The following PSD3 variants were observed in gnomAD, a reference collection of about 807,000 sequenced individuals.
The protein encoded by PSD3 is pleckstrin and Sec7 domain containing 3.
PSD3 carries 49 observed loss-of-function variants against 105.5 expected under a neutral mutation model. The ratio of observed to expected loss-of-function variants is 0.46; its 90% CI spans 0.37 to 0.59. PSD3 has a LOEUF of 0.59. Among genes scored for constraint, PSD3 ranks in the 20% least tolerant of loss-of-function variants. The pLI, the probability that PSD3 is intolerant of heterozygous loss-of-function variation, is 0.00. For missense variants in PSD3, 1,561 were observed against 1,263.8 expected (o/e 1.24, Z -3.57); for synonymous variants, 557 against 457.8 (o/e 1.22, Z -2.77).
At chr8:18,537,874 G>A (rs867966532) in intron 15 of PSD3, among the ~76,000 whole-genome samples, 2 of 152,022 alleles carry the variant, frequency 1.3e-5, no homozygotes, top group South Asian at 4.2e-4. Context: ...ATGGGGTTTC[G>A]CCATGTTGGC....
At chr8:18,744,522 T>C (rs1683636529) in intron 9 of PSD3, among the ~76,000 whole-genome samples, 1 of 152,248 alleles carries the variant, frequency 6.6e-6, no homozygotes, top group African/African-American at 2.4e-5. Flanking sequence ...TTTTTTGCTA[T>C]TGTATACAAT....
At chr8:18,853,972 C>T (rs1489526534) in intron 4 of PSD3, 1 of 152,138 alleles carries the variant, frequency 6.6e-6, no homozygotes, top group African/African-American at 2.4e-5. Flanking sequence ...TTCCTAGGAT[C>T]TCCTTACAAT....
At chr8:19,079,325 C>G (rs1206986116) in intron 1 of PSD3, among the ~76,000 whole-genome samples, 1 of 152,192 alleles carries the variant, frequency 6.6e-6, no homozygotes, top group Non-Finnish European at 1.5e-5. Flanking sequence ...ATACTGACTC[C>G]TAAATACCAC....
At chr8:18,952,224 C>A (rs922349520) in intron 1 of PSD3, among the ~76,000 whole-genome samples, 11 of 152,150 alleles carry the variant, frequency 7.2e-5, no homozygotes, top group African/African-American at 2.7e-4. Context: ...GCCTACTCCA[C>A]GGTCAATGAT....
intron 1 of PSD3, among the ~76,000 whole-genome samples, chr8:19,003,027 T>C (rs1347288699): frequency 6.6e-6 from 1 of 152,030 alleles, no homozygotes; most frequent in Non-Finnish European, 1.5e-5. Context: ...TTTCCAAAAC[T>C]GTCTAAGCCC....
At chr8:18,865,272 ATATATATATATATATTTTTTTTT>A (rs1816822410) in intron 4 of PSD3, 2 of 2,188 alleles carry the variant, frequency 9.1e-4, no homozygotes, top group African/African-American at 1.7e-3. Context: ...ATATATATAT[ATATATATATATATATTTTTTTTT>A]TTTTTTTTTT....
chr8:18,879,439 G>A (rs1817975751), intron 2 of PSD3, among the ~76,000 whole-genome samples: 1 of 152,164 alleles, frequency 6.6e-6, no homozygotes, highest in South Asian at 2.1e-4. Context: ...AGAGGCGAAA[G>A]GACCTGACCA....
chr8:18,904,166 TGAGA>T (rs1248050630), intron 2 of PSD3, among the ~76,000 whole-genome samples: 5 of 151,854 alleles, frequency 3.3e-5, no homozygotes, highest in Non-Finnish European at 7.4e-5. Context: ...TGTCACAAGG[TGAGA>T]GAGGGAACAA....
intron 8 of PSD3, among the ~76,000 whole-genome samples, chr8:18,777,956 C>T (rs958649216): frequency 3.9e-5 from 6 of 152,106 alleles, no homozygotes; most frequent in African/African-American, 9.7e-5. Context: ...ATTTTATCCA[C>T]GTTACCGTAA....
At chr8:18,616,663 G>C (rs112684782) in intron 11 of PSD3, among the ~76,000 whole-genome samples, 1 of 126,580 alleles carries the variant, frequency 7.9e-6, no homozygotes, top group Non-Finnish European at 1.6e-5. Context: ...TCGCTCTGTC[G>C]CCCAGGCTGG....
intron 9 of PSD3, among the ~76,000 whole-genome samples, chr8:18,660,518 T>C (rs1440379352): frequency 2.6e-5 from 4 of 152,188 alleles, no homozygotes; most frequent in Admixed American, 1.3e-4. Flanking sequence ...CACAGGTGGA[T>C]TTCAGGAAAT....
At chr8:18,762,700 G>T (rs1806642125) in intron 9 of PSD3, among the ~76,000 whole-genome samples, 1 of 152,126 alleles carries the variant, frequency 6.6e-6, no homozygotes, top group African/African-American at 2.4e-5. Context: ...ACTAAAAAAA[G>T]GGCTCAATGT....
chr8:18,938,677 T>C (rs1207148303), intron 1 of PSD3, among the ~76,000 whole-genome samples: 1 of 150,218 alleles, frequency 6.7e-6, no homozygotes, highest in Non-Finnish European at 1.5e-5. Context: ...TTAATTAGAA[T>C]AGATACTAAC....
chr8:19,081,630 C>T (rs6586807), intron 1 of PSD3, among the ~76,000 whole-genome samples: 72,236 of 152,036 alleles, frequency 0.48, 17,399 homozygotes, highest in Non-Finnish European at 0.51. Context: ...GCTCTGATTA[C>T]TTTTACTAAA....
intron 2 of PSD3, among the ~76,000 whole-genome samples, chr8:18,913,462 T>C (rs1820379766): frequency 6.6e-6 from 1 of 152,162 alleles, no homozygotes; most frequent in Non-Finnish European, 1.5e-5. Context: ...GCTTCAGACC[T>C]GCACCCACAG....
At chr8:18,689,906 C>G (rs1800880697) in intron 9 of PSD3, among the ~76,000 whole-genome samples, 1 of 152,168 alleles carries the variant, frequency 6.6e-6, no homozygotes, top group Non-Finnish European at 1.5e-5. Context: ...TCCTGAGACA[C>G]AGAAACAAAG....
intron 9 of PSD3, among the ~76,000 whole-genome samples, chr8:18,745,970 G>A (rs565710335): frequency 6.6e-6 from 1 of 152,312 alleles, no homozygotes; most frequent in East Asian, 1.9e-4. Flanking sequence ...GCAGACAAAT[G>A]CCTAGACAGA....
chr8:18,725,887 G>C (rs750533876), intron 9 of PSD3, among the ~76,000 whole-genome samples: 7 of 152,152 alleles, frequency 4.6e-5, no homozygotes, highest in Non-Finnish European at 8.8e-5. Context: ...AAAGAAAAAG[G>C]AAAGAAATGC....
rs1318206899 is a variant in PSD3 at position 18,917,986 on chromosome 8, C to CA, written c.130+18047dup. ...TTCACTGCCTCCAATCTCACCTCTC[C>CA]AAAACCACAATCTATCTCTAGATTT... On this transcript the variant is annotated intron_variant, in intron 2 of 15. Transcript: ENST00000327040. 2.0e-5 allele frequency among the ~76,000 whole-genome samples: 3 copies of CA among 152,308 alleles called. No homozygotes were observed. In the East Asian group the frequency reaches 5.8e-4, roughly 29 times the overall value.
Sources: gnomAD v4.1 joint callset for allele counts (sites outside exome capture counted in the v4.1 genomes callset) on GRCh38, gnomAD v4.1.1 for gene constraint, MANE v1.5 for transcripts, NCBI Gene and HGNC (gene_info 2026-07-23, HGNC 2026-07-21) for gene names.